Variants in INSL6 observed in about 807,000 individuals in gnomAD.
INSL6 encodes the protein insulin like 6, also known as insulin-like peptide INSL6.
In INSL6, 16 loss-of-function variants were observed where a neutral mutation model predicts 9.4. The ratio of observed to expected loss-of-function variants is 1.70; its 90% CI spans 1.15 to 2.59. The LOEUF is 2.59. Ranked by LOEUF, INSL6 falls within the 30% of genes most tolerant of loss-of-function variation. INSL6 has a pLI of 0.00. For missense variants in INSL6, 391 were observed against 257.3 expected, an observed-to-expected ratio of 1.52 and a Z score of -3.56; for synonymous variants, 154 against 96.9, an observed-to-expected ratio of 1.59 and a Z score of -3.46.
In INSL6 at chr9:5,165,443, A is replaced by C. The variant is rs529752306; in HGVS notation, c.290-1178T>G. Among the ~76,000 whole-genome samples, 6 of 152,086 alleles carry C rather than the reference A, an allele frequency of 3.9e-5. No individual in the cohort carries two copies. The East Asian group carries it at 9.7e-4, about 25-fold the overall frequency. The stretch of plus-strand genomic sequence containing the variant: ...TCCCACATCCCCATCAAAACTTGAC[A>C]TTTTCCATTTTTTGATTATCACCAT... On this transcript the variant is annotated intron_variant, in intron 1 of 1. Coordinates refer to ENST00000381641, the MANE Select transcript of INSL6 (RefSeq NM_007179.3).
the INSL6 span, among the ~76,000 whole-genome samples, chr9:5,075,372 G>A: frequency 7.4e-4 from 113 of 152,310 alleles, no homozygotes; most frequent in African/African-American, 2.6e-3. Flanking sequence ...GGAGAAGTCA[G>A]TGCTTGCCTT....
chr9:5,062,500 TAA>T, the INSL6 span, among the ~76,000 whole-genome samples: 43 of 58,232 alleles, frequency 7.4e-4, no homozygotes, highest in African/African-American at 4.4e-3. Flanking sequence ...CTTCCATTTG[TAA>T]AAAAAAAAAA....
At chr9:5,088,034 A>G in the INSL6 span, among the ~76,000 whole-genome samples, 1 of 152,196 alleles carries the variant, frequency 6.6e-6, no homozygotes, top group Non-Finnish European at 1.5e-5. Context: ...GATAAAACTT[A>G]TTTCCTACTT....
the INSL6 span, among the ~76,000 whole-genome samples, chr9:5,066,272 C>A: frequency 2.0e-5 from 3 of 152,130 alleles, no homozygotes; most frequent in African/African-American, 7.2e-5. Context: ...ATCATGCATT[C>A]AGATTTTTAT....
chr9:5,180,593 T>C (rs1298132442), intron 1 of INSL6, among the ~76,000 whole-genome samples: 6 of 152,140 alleles, frequency 3.9e-5, no homozygotes, highest in African/African-American at 1.2e-4. Flanking sequence ...AGGACTGATA[T>C]ACGCCCTGGT....
the INSL6 span, chr9:5,100,710 A>G: frequency 1.4e-4 from 22 of 152,358 alleles, no homozygotes; most frequent in African/African-American, 4.6e-4. Flanking sequence ...TCGAAAGCAA[A>G]TAATTCTAGC....
At chr9:5,026,942 T>C in the INSL6 span, among the ~76,000 whole-genome samples, 2 of 152,370 alleles carry the variant, frequency 1.3e-5, no homozygotes, top group South Asian at 4.1e-4. Context: ...GACATAATTA[T>C]TAATGTATTG....
At chr9:4,999,837 T>A in the INSL6 span, among the ~76,000 whole-genome samples, 3 of 152,206 alleles carry the variant, frequency 2.0e-5, no homozygotes, top group African/African-American at 4.8e-5. Flanking sequence ...TTTTTCCCAA[T>A]ATTTAGACTT....
At chr9:5,021,888 C>T in the INSL6 span, 106 of 810,330 alleles carry the variant, frequency 1.3e-4, no homozygotes, top group Non-Finnish European at 1.9e-4. Context: ...CCGCCTCGGC[C>T]CCGCAAAGTG....
the INSL6 span, chr9:5,078,579 C>T: frequency 1.4e-6 from 1 of 696,022 alleles, no homozygotes; most frequent in South Asian, 2.4e-5. Context: ...TCACTTTTAG[C>T]AATTTAAATT....
chr9:5,133,126 G>A lies in INSL6; in HGVS notation c.*10+299C>T, dbSNP rs143036400. Among the ~76,000 whole-genome samples, 70 of 152,202 alleles carry A rather than the reference G, an allele frequency of 4.6e-4. 2 individuals carry two copies. Among genetic ancestry groups the A allele is most frequent in the Admixed American group, 3.3e-3 (51 of 15,286 alleles). ...GGATGAAAAAATCATATAAAGCACAGAAATACAGTACATAAACAGATATGC... is the reference window on the plus strand; with the variant it reads ...GGATGAAAAAATCATATAAAGCACAAAAATACAGTACATAAACAGATATGC... On this transcript the variant is annotated intron_variant, in intron 3 of 3. Transcript: ENST00000649639.
the INSL6 span, among the ~76,000 whole-genome samples, chr9:5,059,327 T>C: frequency 6.6e-6 from 1 of 152,202 alleles, no homozygotes; most frequent in Admixed American, 6.5e-5. Context: ...GTATGTATTC[T>C]TTTAAAATCT....
At chr9:5,061,482 G>A in the INSL6 span, among the ~76,000 whole-genome samples, 9 of 152,270 alleles carry the variant, frequency 5.9e-5, no homozygotes, top group Middle Eastern at 3.4e-3. Flanking sequence ...CTGTGCACAT[G>A]GCTTCTTTTC....
At chr9:5,169,224 C>G (rs1825127642) in intron 1 of INSL6, among the ~76,000 whole-genome samples, 2 of 152,164 alleles carry the variant, frequency 1.3e-5, no homozygotes, top group South Asian at 4.1e-4. Flanking sequence ...CTGCACCCAG[C>G]AGATATTCTT....
At chr9:5,112,752 A>G in the INSL6 span, 1 of 671,346 alleles carries the variant, frequency 1.5e-6, no homozygotes, top group Non-Finnish European at 2.3e-6. Context: ...AAACGGCGAG[A>G]AGAGAAGGTG....
At chr9:5,030,402 A>AT in the INSL6 span, among the ~76,000 whole-genome samples, 2 of 151,998 alleles carry the variant, frequency 1.3e-5, no homozygotes, top group African/African-American at 2.4e-5. Flanking sequence ...ATCTAGAAGT[A>AT]TTTTTTTGCT....
intron 2 of INSL6, among the ~76,000 whole-genome samples, chr9:5,145,256 G>T (rs1033469681): frequency 1.3e-5 from 2 of 151,718 alleles, no homozygotes; most frequent in Non-Finnish European, 3.0e-5. Context: ...TTCTGGGTTG[G>T]AATTTCTTAA....
intron 3 of INSL6, chr9:5,126,680 A>G (rs1310414891): frequency 1.9e-6 from 3 of 1,594,706 alleles, no homozygotes; most frequent in Admixed American, 3.5e-5. Flanking sequence ...TTTCTCCTTT[A>G]CAGATCTATA....
intron 2 of INSL6, among the ~76,000 whole-genome samples, chr9:5,158,595 AG>A (rs1305409341): frequency 6.6e-6 from 1 of 152,188 alleles, no homozygotes; most frequent in Non-Finnish European, 1.5e-5. Flanking sequence ...AAAGTGTTAA[AG>A]GAAAAAAAAT....
Sources: gnomAD v4.1 joint callset for allele counts (sites outside exome capture counted in the v4.1 genomes callset) on GRCh38, gnomAD v4.1.1 for gene constraint, MANE v1.5 for transcripts, NCBI Gene and HGNC (gene_info 2026-07-23, HGNC 2026-07-21) for gene names.